The following CSMD1 variants were observed in gnomAD, a reference collection of about 807,000 sequenced individuals.
The protein encoded by CSMD1 is CUB and sushi domain-containing protein 1.
A neutral mutation model predicts 417.5 loss-of-function variants in CSMD1; 213 were observed. That is an observed-to-expected ratio of 0.51 (90% CI 0.46 to 0.57). The LOEUF (loss-of-function observed/expected upper bound fraction) is 0.57, where lower values mean the gene tolerates loss of function less well. Ranked by LOEUF, CSMD1 falls within the 20% of genes least tolerant of loss-of-function variation. The pLI, the probability that CSMD1 is intolerant of heterozygous loss-of-function variation, is 0.00. For missense variants in CSMD1, 6,923 were observed against 4,529.7 expected (o/e 1.53, Z -15.17); for synonymous variants, 2,862 against 1,736.8 (o/e 1.65, Z -16.11).
intron 1 of CSMD1, among the ~76,000 whole-genome samples, chr8:4,769,673 G>A (rs1563339089): frequency 6.6e-6 from 1 of 152,160 alleles, no homozygotes; most frequent in Non-Finnish European, 1.5e-5. Context: ...AAGGCTGACG[G>A]ATTTGTGGAG....
intron 1 of CSMD1, among the ~76,000 whole-genome samples, chr8:4,764,233 G>T (rs560310812): frequency 6.6e-6 from 1 of 152,184 alleles, no homozygotes; most frequent in African/African-American, 2.4e-5. Context: ...TTAGACAGTC[G>T]TATTGTACAG....
chr8:4,152,350 G>A (rs62501107), intron 3 of CSMD1, among the ~76,000 whole-genome samples: 41,042 of 151,932 alleles, frequency 0.27, 6,075 homozygotes, highest in African/African-American at 0.4. Flanking sequence ...AGGTAGACAC[G>A]TAAGCAGGAA....
Position 4,608,221 on chromosome 8 carries a change from G to A in CSMD1, c.302+29121C>T, listed in dbSNP as rs149848743. On this transcript the variant is annotated intron_variant, in intron 2 of 69. Transcript: ENST00000635120. The stretch of plus-strand genomic sequence containing the variant: ...CTACTCCAAAGGGGTGGAAATCCAT[G>A]GAAGCATTTTGAGCTGGAGATTTAT... Among the ~76,000 whole-genome samples, 467 of 152,300 alleles carry A rather than the reference G, an allele frequency of 3.1e-3. 3 individuals are homozygous for A. The highest frequency in any genetic ancestry group is 0.011 in the African/African-American group (438 of 41,546).
intron 26 of CSMD1, among the ~76,000 whole-genome samples, chr8:3,269,284 T>A (rs1187677481): frequency 1.3e-5 from 2 of 152,236 alleles, no homozygotes; most frequent in Non-Finnish European, 2.9e-5. Context: ...GCCAGTTCTC[T>A]GCCAGTCCCA....
At chr8:4,722,973 G>A (rs1255055832) in intron 1 of CSMD1, among the ~76,000 whole-genome samples, 1 of 152,076 alleles carries the variant, frequency 6.6e-6, no homozygotes, top group East Asian at 1.9e-4. Flanking sequence ...AGAGTGCTAA[G>A]GTATCATTTT....
chr8:3,870,332 G>C (rs1196742194), intron 5 of CSMD1, among the ~76,000 whole-genome samples: 1 of 152,022 alleles, frequency 6.6e-6, no homozygotes, highest in African/African-American at 2.4e-5. Flanking sequence ...TTTTTACTAT[G>C]ATGATTTGTA....
intron 6 of CSMD1, among the ~76,000 whole-genome samples, chr8:3,753,554 T>C (rs1584946865): frequency 6.6e-6 from 1 of 152,232 alleles, no homozygotes; most frequent in African/African-American, 2.4e-5. Context: ...ACAATACTTT[T>C]TGTGCATTTT....
At position 4,579,097 on chromosome 8, in the gene CSMD1, A is replaced by T. The variant is rs1215188217; in HGVS notation, c.302+58245T>A. ...TGTTCCATTTATACAGTTTATAAAG[A>T]GTAAGGACAATAAAACATGCAGGAA... On this transcript the variant is annotated intron_variant, in intron 2 of 69. Coordinates refer to ENST00000635120, the MANE Select transcript of CSMD1 (RefSeq NM_033225.6). Among the ~76,000 whole-genome samples, 3 of 151,988 alleles carry T rather than the reference A, an allele frequency of 2.0e-5. No individual in the cohort carries two copies. In the East Asian group the frequency reaches 5.8e-4, roughly 30 times the overall value.
At chr8:4,590,678 T>G (rs1019219374) in intron 2 of CSMD1, among the ~76,000 whole-genome samples, 39 of 152,186 alleles carry the variant, frequency 2.6e-4, no homozygotes, top group Non-Finnish European at 3.1e-4. Context: ...CACGATGAAA[T>G]CTTAAGAAAA....
chr8:3,826,430 C>T (rs74768669), intron 5 of CSMD1, among the ~76,000 whole-genome samples: 1 of 152,256 alleles, frequency 6.6e-6, no homozygotes, highest in East Asian at 1.9e-4. Context: ...GGAGACCGCT[C>T]TTCTGGGCTT....
chr8:3,679,100 C>T (rs976228583), intron 7 of CSMD1, among the ~76,000 whole-genome samples: 1 of 152,092 alleles, frequency 6.6e-6, no homozygotes, highest in African/African-American at 2.4e-5. Context: ...TAAAGACCAT[C>T]GAGGCTAGGA....
At chr8:4,523,381 T>G (rs1025133221) in intron 2 of CSMD1, among the ~76,000 whole-genome samples, 1 of 152,212 alleles carries the variant, frequency 6.6e-6, no homozygotes, top group Non-Finnish European at 1.5e-5. Flanking sequence ...TAGCTGTTGT[T>G]TTTTTCATTC....
intron 3 of CSMD1, among the ~76,000 whole-genome samples, chr8:4,134,129 C>T (rs1216079101): frequency 6.6e-6 from 1 of 152,078 alleles, no homozygotes; most frequent in African/African-American, 2.4e-5. Flanking sequence ...ATCAAATTTT[C>T]TTTTATGATT....
intron 3 of CSMD1, among the ~76,000 whole-genome samples, chr8:4,314,192 A>T (rs993477975): frequency 6.6e-6 from 1 of 152,052 alleles, no homozygotes; most frequent in African/African-American, 2.4e-5. Flanking sequence ...TGGTTCCCTC[A>T]TTATTTTCAA....
At chr8:3,617,447 G>C (rs532358699) in intron 7 of CSMD1, among the ~76,000 whole-genome samples, 6 of 152,196 alleles carry the variant, frequency 3.9e-5, no homozygotes, top group African/African-American at 9.6e-5. Flanking sequence ...TGTATAATTT[G>C]TCTAATCAAA....
intron 1 of CSMD1, among the ~76,000 whole-genome samples, chr8:4,723,990 A>G (rs192411615): frequency 6.6e-6 from 1 of 152,034 alleles, no homozygotes; most frequent in Non-Finnish European, 1.5e-5. Flanking sequence ...CGTGAAAACA[A>G]TTTTTAAAAA....
At chr8:4,455,697 G>A (rs529536592) in intron 2 of CSMD1, among the ~76,000 whole-genome samples, 43 of 151,856 alleles carry the variant, frequency 2.8e-4, no homozygotes, top group Non-Finnish European at 2.6e-4. Context: ...TTGGGAGGCC[G>A]AAGCGGGTCG....
chr8:3,721,483 A>C (rs1802172038), intron 6 of CSMD1, among the ~76,000 whole-genome samples: 1 of 152,200 alleles, frequency 6.6e-6, no homozygotes, highest in Admixed American at 6.5e-5. Flanking sequence ...AACATCGGTC[A>C]CTAAGATAGC....
intron 36 of CSMD1, chr8:3,183,234 G>C (rs965436926): frequency 1.1e-4 from 14 of 122,388 alleles, no homozygotes; most frequent in Non-Finnish European, 1.8e-4. Context: ...GTTTCTTAAC[G>C]ATACCATCGG....
Sources: allele counts gnomAD v4.1 joint callset (sites outside exome capture counted in the v4.1 genomes callset), GRCh38; gene constraint gnomAD v4.1.1; transcripts MANE v1.5; gene names NCBI Gene and HGNC (gene_info 2026-07-23, HGNC 2026-07-21).